The following PRKCB variants were observed in gnomAD, a reference collection of about 807,000 sequenced individuals.
The protein encoded by PRKCB is protein kinase C beta type.
In PRKCB, 13 loss-of-function variants were observed where a neutral mutation model predicts 81.5. That is an observed-to-expected ratio of 0.16 (90% confidence interval 0.10 to 0.25). The LOEUF is 0.25. PRKCB is among the 10% of genes least tolerant of loss of function. The pLI, the probability that PRKCB is intolerant of heterozygous loss-of-function variation, is 1.00. For missense variants in PRKCB, 509 were observed against 875.7 expected (o/e 0.58, Z 5.29); for synonymous variants, 335 against 321.4 (o/e 1.04, Z -0.45).
chr16:24,114,489 G>T (rs915164656), intron 8 of PRKCB, among the ~76,000 whole-genome samples: 6 of 151,996 alleles, frequency 3.9e-5, no homozygotes, highest in African/African-American at 1.4e-4. Context: ...GTGACCTTGA[G>T]TTACATTGCT....
At position 24,216,222 on chromosome 16, in the gene PRKCB, A is replaced by T; in HGVS notation, c.*1406A>T. On this transcript the variant is annotated 3_prime_UTR_variant, in exon 17 of 17. Transcript: ENST00000643927. ...GGGTGGGATGACCTGGCCAGAGCCA[A>T]CGAGGATACTGGAGCCCAAAGTCAA... 1.0e-6 allele frequency: 1 copy of T among 985,458 alleles called. No individual in the cohort carries two copies. The highest frequency in any genetic ancestry group is 1.2e-6 in the Non-Finnish European group (1 of 829,950). The allele number at this position is 985,458 out of a possible 1,614,324, so 61.0% of individuals were successfully genotyped here.
At chr16:23,954,459 T>C (rs1445608063) in intron 2 of PRKCB, among the ~76,000 whole-genome samples, 1 of 152,196 alleles carries the variant, frequency 6.6e-6, no homozygotes, top group Admixed American at 6.5e-5. Context: ...AGGAACCTTC[T>C]ATCAAGAGCC....
intron 6 of PRKCB, among the ~76,000 whole-genome samples, chr16:24,093,310 C>A (rs768964571): frequency 1.3e-5 from 2 of 152,128 alleles, no homozygotes; most frequent in Non-Finnish European, 2.9e-5. Context: ...GACAGCCTCT[C>A]TAGAGTTGGG....
At chr16:24,076,568 A>G (rs1026601549) in intron 5 of PRKCB, among the ~76,000 whole-genome samples, 6 of 152,160 alleles carry the variant, frequency 3.9e-5, no homozygotes, top group African/African-American at 1.4e-4. Flanking sequence ...TGGATGACTC[A>G]CGTCTAGCTG....
At chr16:24,168,858 C>T (rs1214065555) in intron 10 of PRKCB, among the ~76,000 whole-genome samples, 1 of 151,622 alleles carries the variant, frequency 6.6e-6, no homozygotes, top group Non-Finnish European at 1.5e-5. Flanking sequence ...CCATGCCTGA[C>T]CTCTTTTTTC....
Position 24,217,757 on chromosome 16 carries a change from C to G in PRKCB, c.*2941C>G. ...GAAAGCGAAATAGGGTTGATGAGAC[C>G]AGGGGAGACCTAAAAAAAAGGCAGC... On this transcript the variant is annotated 3_prime_UTR_variant, in exon 17 of 17. Coordinates refer to ENST00000643927, the MANE Select transcript of PRKCB (RefSeq NM_002738.7). 1.0e-6 allele frequency: 1 copy of G among 985,354 alleles called. No homozygotes were observed. The highest frequency in any genetic ancestry group is 1.2e-6 in the Non-Finnish European group (1 of 829,942). 61.0% of individuals were successfully genotyped at this position (985,354 alleles called of 1,614,324 possible).
chr16:24,071,734 C>T (rs554602529), intron 5 of PRKCB, among the ~76,000 whole-genome samples: 2 of 152,142 alleles, frequency 1.3e-5, no homozygotes, highest in South Asian at 4.1e-4. Flanking sequence ...GAGGCAGGAT[C>T]TTACAGGGAA....
chr16:24,024,537 G>A (rs551982786), intron 3 of PRKCB, among the ~76,000 whole-genome samples: 1 of 152,170 alleles, frequency 6.6e-6, no homozygotes, highest in Non-Finnish European at 1.5e-5. Flanking sequence ...ATTTAATCAT[G>A]CCACATTGTG....
At chr16:24,195,056 T>C (rs1354020993) in intron 16 of PRKCB, among the ~76,000 whole-genome samples, 1 of 151,936 alleles carries the variant, frequency 6.6e-6, no homozygotes, top group Non-Finnish European at 1.5e-5. Context: ...ATACAAACGT[T>C]GGTGGGCGTG....
intron 9 of PRKCB, among the ~76,000 whole-genome samples, chr16:24,150,765 C>A (rs1967068118): frequency 6.6e-6 from 1 of 152,166 alleles, no homozygotes; most frequent in Non-Finnish European, 1.5e-5. Flanking sequence ...TGATCCAGAC[C>A]GTCCCGCAAA....
At chr16:23,931,178 A>G (rs1405138615) in intron 2 of PRKCB, among the ~76,000 whole-genome samples, 1 of 152,178 alleles carries the variant, frequency 6.6e-6, no homozygotes, top group Non-Finnish European at 1.5e-5. Flanking sequence ...TTCACCTTTA[A>G]TGCCGCTGTT....
intron 2 of PRKCB, among the ~76,000 whole-genome samples, chr16:23,955,058 A>G (rs1457569874): frequency 3.3e-5 from 5 of 152,098 alleles, no homozygotes; most frequent in Admixed American, 3.3e-4. Context: ...AAAAGGTGAC[A>G]TTTTGGATCA....
intron 2 of PRKCB, chr16:23,893,024 C>T (rs1963319270): frequency 6.6e-6 from 1 of 151,666 alleles, no homozygotes. Flanking sequence ...TACAATGGCC[C>T]TCATGCTTAA....
chr16:24,080,325 G>A (rs1340557616), intron 5 of PRKCB, among the ~76,000 whole-genome samples: 1 of 152,140 alleles, frequency 6.6e-6, no homozygotes, highest in Admixed American at 6.6e-5. Context: ...TTGTTCAGAT[G>A]GCAGTGATAT....
At chr16:24,148,603 G>A (rs1967028843) in intron 9 of PRKCB, among the ~76,000 whole-genome samples, 1 of 152,182 alleles carries the variant, frequency 6.6e-6, no homozygotes. Flanking sequence ...ATTATTGATT[G>A]AAAAGAGCAT....
intron 2 of PRKCB, among the ~76,000 whole-genome samples, chr16:23,904,992 T>G (rs992631358): frequency 6.6e-6 from 1 of 152,052 alleles, no homozygotes; most frequent in Non-Finnish European, 1.5e-5. Context: ...GGTGTTTTCT[T>G]CTCTTCACTG....
chr16:24,159,965 A>G (rs957152228), intron 10 of PRKCB, among the ~76,000 whole-genome samples: 1 of 152,166 alleles, frequency 6.6e-6, no homozygotes, highest in Non-Finnish European at 1.5e-5. Flanking sequence ...AGCCTGAGCT[A>G]CAGACTGATA....
Position 23,836,185 on chromosome 16 carries a change from C to A in PRKCB, c.10C>A (p.Pro4Thr). ...GCTCCCCGCGCGCAAGATGGCTGAC[C>A]CGGCTGCGGGGCCGCCGCCGAGCGA... Reference protein sequence around the residue: MADPAAGPPPSEGE... With the variant: MADTAAGPPPSEGE... The change falls in exon 1 of 17, where the codon CCG becomes ACG. Residue 4 changes from proline (P) to threonine (T), a missense_variant. Around this residue, in one of 6 missense-constraint regions of PRKCB, gnomAD observed 33 missense variants for 21.9 expected, o/e 1.50. Coordinates refer to ENST00000643927, the MANE Select transcript of PRKCB (RefSeq NM_002738.7). The A allele has an allele frequency of 6.4e-7, 1 of 1,562,600 alleles. No individual in the cohort carries two copies. The highest frequency in any genetic ancestry group is 8.6e-7 in the Non-Finnish European group (1 of 1,157,876).
intron 7 of PRKCB, 126 bp downstream of exon 7, chr16:24,094,423 AT>A: frequency 7.8e-7 from 1 of 1,276,688 alleles, no homozygotes; most frequent in Non-Finnish European, 1.1e-6. Context: ...AGTCTGGTTG[AT>A]TGGATCTGCC....
Sources: gnomAD v4.1 joint callset for allele counts (sites outside exome capture counted in the v4.1 genomes callset) on GRCh38, gnomAD v4.1.1 for gene constraint, gnomAD v4.1.1 regional missense constraint, MANE v1.5 for transcripts, NCBI Gene and HGNC (gene_info 2026-07-23, HGNC 2026-07-21) for gene names.